ACBD6: variants seen among roughly 807,000 people sequenced by gnomAD.
ACBD6 encodes acyl-CoA binding domain containing 6, also known as acyl-CoA-binding domain-containing protein 6.
ACBD6 carries 28 observed loss-of-function variants against 37.2 expected under a neutral mutation model. That is an observed-to-expected ratio of 0.75 (90% CI 0.56 to 1.03). The LOEUF (loss-of-function observed/expected upper bound fraction) is 1.03. Ranked by LOEUF, ACBD6 falls within the 50% of genes least tolerant of loss-of-function variation. The probability of loss-of-function intolerance (pLI) is 0.00; values close to 1 mark genes in which losing one functional copy is unlikely to be tolerated. For synonymous variants in ACBD6, 113 were observed against 126.8 expected (o/e 0.89, Z 0.73); for missense variants, 340 against 337.4 (o/e 1.01, Z -0.06).
intron 5 of ACBD6, among the ~76,000 whole-genome samples, chr1:180,398,028 G>C (rs1654327540): frequency 6.6e-6 from 1 of 151,516 alleles, no homozygotes; most frequent in Non-Finnish European, 1.5e-5. Flanking sequence ...ACTCCAGCCT[G>C]GGTGACAGGG....
intron 3 of ACBD6, among the ~76,000 whole-genome samples, chr1:180,465,968 C>T (rs1571547152): frequency 6.6e-6 from 1 of 151,428 alleles, no homozygotes; most frequent in East Asian, 1.9e-4. Context: ...AACTTATGAA[C>T]ACAAGGAAGG....
intron 6 of ACBD6, among the ~76,000 whole-genome samples, chr1:180,329,864 T>C (rs12082301): frequency 0.011 from 1,697 of 152,290 alleles, 26 homozygotes; most frequent in African/African-American, 0.038. Context: ...GAAGTAACTC[T>C]TTTTACTGGC....
rs377379069 is a variant in ACBD6, at chr1:180,302,231, T to C, written c.694+12461A>G. ...TATTTTATGATGGTAAATGATGAAA[T>C]AGACTAGTATCTACATATATTTTAT... On this transcript the variant is annotated intron_variant, in intron 7 of 7. Transcript: ENST00000367595. 6.6e-5 allele frequency among the ~76,000 whole-genome samples: 10 copies of C among 152,246 alleles called. No homozygotes were observed. In the East Asian group the frequency reaches 1.7e-3, roughly 26 times the overall value.
chr1:180,479,064 T>A (rs1571562920), intron 3 of ACBD6, among the ~76,000 whole-genome samples: 1 of 152,128 alleles, frequency 6.6e-6, no homozygotes, highest in Non-Finnish European at 1.5e-5. Flanking sequence ...GCCCAGGAGT[T>A]TGAGGCTGCA....
intron 6 of ACBD6, among the ~76,000 whole-genome samples, chr1:180,382,311 G>A (rs1322829795): frequency 6.6e-6 from 1 of 151,804 alleles, no homozygotes; most frequent in Non-Finnish European, 1.5e-5. Context: ...CCAATTGCTA[G>A]ACTAACCAAG....
intron 6 of ACBD6, among the ~76,000 whole-genome samples, chr1:180,352,650 A>G (rs2101894614): frequency 6.6e-6 from 1 of 152,340 alleles, no homozygotes; most frequent in East Asian, 1.9e-4. Flanking sequence ...ATACAGGTAA[A>G]GAACAAACAT....
chr1:180,351,808 C>T (rs1371022815), intron 6 of ACBD6, among the ~76,000 whole-genome samples: 1 of 151,996 alleles, frequency 6.6e-6, no homozygotes, highest in African/African-American at 2.4e-5. Flanking sequence ...TTCCACTTTC[C>T]AGAATTGAAA....
At chr1:180,410,860 CT>C (rs1218108286) in intron 5 of ACBD6, among the ~76,000 whole-genome samples, 1 of 152,196 alleles carries the variant, frequency 6.6e-6, no homozygotes, top group African/African-American at 2.4e-5. Flanking sequence ...TTCTATAAGG[CT>C]ATAGCTGCCA....
At chr1:180,376,048 C>A (rs1273803617) in intron 6 of ACBD6, among the ~76,000 whole-genome samples, 1 of 151,964 alleles carries the variant, frequency 6.6e-6, no homozygotes, top group Middle Eastern at 3.2e-3. Flanking sequence ...TTCACCAAAA[C>A]CAGGATATAA....
chr1:180,340,534 A>T (rs77281115), intron 6 of ACBD6, among the ~76,000 whole-genome samples: 2,991 of 152,192 alleles, frequency 0.02, 98 homozygotes, highest in African/African-American at 0.067. Flanking sequence ...AAAGGAGGAA[A>T]GAAATGGGGC....
chr1:180,459,878 G>A (rs565408261), intron 3 of ACBD6, among the ~76,000 whole-genome samples: 1 of 151,452 alleles, frequency 6.6e-6, no homozygotes, highest in South Asian at 2.1e-4. Flanking sequence ...GTTCCAGCCT[G>A]TGGGCTTAGG....
intron 7 of ACBD6, among the ~76,000 whole-genome samples, chr1:180,300,523 T>C (rs1247100202): frequency 6.6e-6 from 1 of 152,198 alleles, no homozygotes; most frequent in Non-Finnish European, 1.5e-5. Context: ...CTTAAAATAG[T>C]AATTTTTATT....
chr1:180,443,874 T>A (rs6682811), intron 3 of ACBD6, among the ~76,000 whole-genome samples: 1 of 151,066 alleles, frequency 6.6e-6, no homozygotes, highest in Admixed American at 6.6e-5. Flanking sequence ...CTGCCTGCCT[T>A]GGCCTCCCAA....
chr1:180,492,723 T>C (rs1651556169), intron 2 of ACBD6, among the ~76,000 whole-genome samples: 2 of 152,220 alleles, frequency 1.3e-5, no homozygotes, highest in Admixed American at 6.5e-5. Context: ...ATATATGATC[T>C]ACAGACTAAT....
intron 3 of ACBD6, among the ~76,000 whole-genome samples, chr1:180,442,336 G>T (rs1649315454): frequency 6.6e-6 from 1 of 151,944 alleles, no homozygotes; most frequent in Non-Finnish European, 1.5e-5. Flanking sequence ...GGCATGTCTG[G>T]GGCAATTTTT....
chr1:180,399,829 C>T (rs139607507), intron 5 of ACBD6, among the ~76,000 whole-genome samples: 80 of 152,248 alleles, frequency 5.3e-4, no homozygotes, highest in African/African-American at 1.8e-3. Flanking sequence ...GACAAAATTT[C>T]AAAGTCTATC....
chr1:180,291,253 T>C lies in ACBD6; in HGVS notation c.695-2736A>G, dbSNP rs138979042. 6.6e-4 allele frequency among the ~76,000 whole-genome samples: 101 copies of C among 152,288 alleles called. 3 individuals are homozygous for C. The East Asian group carries it at 0.017, about 25-fold the overall frequency. ...CAGCTTGTGGGTAAATATCTAGAAGTAGAATTGCTGAGTCATATGGCAAGT... is the reference window on the plus strand; with the variant it reads ...CAGCTTGTGGGTAAATATCTAGAAGCAGAATTGCTGAGTCATATGGCAAGT... On this transcript the variant is annotated intron_variant, in intron 7 of 7. Coordinates refer to ENST00000367595, the MANE Select transcript of ACBD6 (RefSeq NM_032360.4).
intron 3 of ACBD6, among the ~76,000 whole-genome samples, chr1:180,465,321 G>A (rs1052840160): frequency 5.3e-5 from 8 of 151,740 alleles, no homozygotes; most frequent in South Asian, 4.2e-4. Context: ...ATCAACAAGC[G>A]AAAAACCACC....
At chr1:180,355,608 C>T (rs947525016) in intron 6 of ACBD6, among the ~76,000 whole-genome samples, 22 of 152,052 alleles carry the variant, frequency 1.4e-4, no homozygotes, top group Admixed American at 1.3e-3. Context: ...TGATTGAATT[C>T]TCCTTCTGTA....
Sources: gnomAD v4.1 joint callset for allele counts (sites outside exome capture counted in the v4.1 genomes callset) on GRCh38, gnomAD v4.1.1 for gene constraint, MANE v1.5 for transcripts, NCBI Gene and HGNC (gene_info 2026-07-23, HGNC 2026-07-21) for gene names.